The following MID1 variants were observed in gnomAD, a reference collection of about 807,000 sequenced individuals.
The protein encoded by MID1 is midline 1.
MID1 carries 7 observed loss-of-function variants against 40.4 expected under a neutral mutation model. The observed-to-expected ratio is 0.17, with a 90% CI of 0.10 to 0.33. MID1 has a LOEUF of 0.33. MID1 is among the 10% of genes least tolerant of loss of function. The pLI is 1.00. For missense variants in MID1, 367 were observed against 558.5 expected (o/e 0.66, Z 3.46); for synonymous variants, 229 against 221.2 (o/e 1.04, Z -0.31).
At chrX:10,548,438 C>T (rs1039364108) in intron 2 of MID1, among the ~76,000 whole-genome samples, 2 of 112,045 alleles carry the variant, frequency 1.8e-5, no homozygotes, top group Non-Finnish European at 3.8e-5. Context: ...TTTATCCCCT[C>T]AGGGAAATCA....
At chrX:10,687,623 C>T (rs2043107982) in intron 1 of MID1, among the ~76,000 whole-genome samples, 1 of 112,285 alleles carries the variant, frequency 8.9e-6, no homozygotes, top group African/African-American at 3.2e-5. Context: ...TTTTAAAGTT[C>T]TTTGTGCCTA....
Position 10,490,935 on chromosome X carries a change from T to A in MID1, c.864+4649A>T, listed in dbSNP as rs1423085039. On this transcript the variant is annotated intron_variant, in intron 4 of 9. Coordinates refer to ENST00000317552, the MANE Select transcript of MID1 (RefSeq NM_000381.4). ...TATGTAAGTTTTCAAATTATTGGCATGAAGACATTTACACAATTTTCTTAT... is the reference window on the plus strand; with the variant it reads ...TATGTAAGTTTTCAAATTATTGGCAAGAAGACATTTACACAATTTTCTTAT... Among the ~76,000 whole-genome samples, 11 of 112,423 alleles carry A rather than the reference T, an allele frequency of 9.8e-5. No individual in the cohort carries two copies. In the Admixed American group the frequency reaches 1.0e-3, roughly 11 times the overall value.
chrX:10,551,242 C>T (rs1022173979), intron 2 of MID1, among the ~76,000 whole-genome samples: 6 of 112,287 alleles, frequency 5.3e-5, no homozygotes, highest in Non-Finnish European at 9.4e-5. Context: ...TGAATATTTT[C>T]AGTCCTCGGG....
intron 3 of MID1, among the ~76,000 whole-genome samples, chrX:10,513,200 CAG>C (rs1236282482): frequency 8.9e-6 from 1 of 112,147 alleles, no homozygotes; most frequent in African/African-American, 3.2e-5. Context: ...ATTTTATACA[CAG>C]AGATAATTTC....
intron 1 of MID1, among the ~76,000 whole-genome samples, chrX:10,828,032 T>A (rs2044227209): frequency 9.0e-6 from 1 of 111,688 alleles, no homozygotes; most frequent in African/African-American, 3.3e-5. Context: ...TTCAATAAAT[T>A]TAGCATAAAA....
intron 1 of MID1, among the ~76,000 whole-genome samples, chrX:10,693,722 T>A (rs1156500188): frequency 8.9e-6 from 1 of 112,055 alleles, no homozygotes; most frequent in Non-Finnish European, 1.9e-5. Context: ...TTTGGTTGAT[T>A]CCTTCCACAA....
intron 2 of MID1, among the ~76,000 whole-genome samples, chrX:10,538,121 T>C (rs1933329540): frequency 1.8e-5 from 2 of 111,178 alleles, no homozygotes; most frequent in African/African-American, 6.5e-5. Flanking sequence ...TATAGGCATG[T>C]GCCACCACGC....
chrX:10,714,052 C>A (rs1165186847), intron 1 of MID1, among the ~76,000 whole-genome samples: 1 of 111,919 alleles, frequency 8.9e-6, no homozygotes, highest in Non-Finnish European at 1.9e-5. Context: ...GTTACCACTG[C>A]AGCACCATTA....
chrX:10,718,996 AC>A (rs1259898620), intron 1 of MID1, among the ~76,000 whole-genome samples: 27 of 111,587 alleles, frequency 2.4e-4, no homozygotes, highest in Non-Finnish European at 4.7e-4. Context: ...AAATTCAACA[AC>A]CCTTCATGCT....
intron 1 of MID1, among the ~76,000 whole-genome samples, chrX:10,788,632 G>T (rs1421718817): frequency 9.0e-6 from 1 of 110,846 alleles, no homozygotes; most frequent in East Asian, 2.8e-4. Context: ...GCCACCCAGG[G>T]ATTTTCAGCA....
At chrX:10,678,921 G>GT (rs767417781) in intron 1 of MID1, among the ~76,000 whole-genome samples, 207 of 111,500 alleles carry the variant, frequency 1.9e-3, no homozygotes, top group African/African-American at 6.5e-3. Flanking sequence ...ACTTTTATAG[G>GT]TTGCTGCTGG....
intron 1 of MID1, among the ~76,000 whole-genome samples, chrX:10,613,732 T>TATATATAG (rs1482081086): frequency 6.9e-4 from 12 of 17,476 alleles, no homozygotes; most frequent in South Asian, 5.3e-3. Context: ...TATATATATA[T>TATATATAG]AGAGAGAGAG....
chrX:10,470,592 G>A (rs1020218828), intron 6 of MID1, among the ~76,000 whole-genome samples: 7 of 112,106 alleles, frequency 6.2e-5, no homozygotes, highest in Admixed American at 3.8e-4. Flanking sequence ...CAACTCATGC[G>A]ATATTTCAAA....
In MID1 at chrX:10,454,876, C is replaced by T. The variant is rs1053131054; in HGVS notation, c.1649G>A (p.Ser550Asn). 8.3e-7 allele frequency: 1 copy of T among 1,206,093 alleles called. No individual in the cohort carries two copies. Among genetic ancestry groups the T allele is most frequent in the African/African-American group, 1.7e-5 (1 of 57,171 alleles). Residue 550 changes from serine (S) to asparagine (N), a missense_variant, in exon 9 of 10, where the codon AGC becomes AAC. Ser to Asn is a conservative substitution (Grantham distance 46). Transcript: ENST00000317552. ...RHYWEVVISG[S>N]TWYAIGLAYK... is the part of the protein sequence containing the mutation. ...ATAGAAATAAGTTGCTTACCATGTG[C>T]TTCCACTTATGACCACTTCCCAATA...
At chrX:10,542,342 G>A (rs1014926357) in intron 2 of MID1, among the ~76,000 whole-genome samples, 1 of 111,178 alleles carries the variant, frequency 9.0e-6, no homozygotes, top group African/African-American at 3.3e-5. Context: ...GTCTCCATAG[G>A]GTAATTTGTG....
intron 1 of MID1, among the ~76,000 whole-genome samples, chrX:10,723,698 C>T (rs2043372446): frequency 8.9e-6 from 1 of 112,399 alleles, no homozygotes; most frequent in Admixed American, 9.3e-5. Flanking sequence ...ACTACAGGCG[C>T]CCGCCACCGC....
At chrX:10,741,366 G>A (rs1304469467) in intron 1 of MID1, among the ~76,000 whole-genome samples, 5 of 111,065 alleles carry the variant, frequency 4.5e-5, no homozygotes, top group Non-Finnish European at 9.4e-5. Context: ...CAGACAGGAA[G>A]TGCAGATCAA....
chrX:10,475,580 CA>C (rs1929963970), intron 5 of MID1, among the ~76,000 whole-genome samples: 2 of 112,051 alleles, frequency 1.8e-5, no homozygotes, highest in Admixed American at 9.4e-5. Flanking sequence ...CTCTTAAAAA[CA>C]AGAGAATTGT....
chrX:10,760,020 TAA>T (rs2043665515), intron 1 of MID1, among the ~76,000 whole-genome samples: 1 of 111,791 alleles, frequency 8.9e-6, no homozygotes, highest in Non-Finnish European at 1.9e-5. Flanking sequence ...CAGGTACACA[TAA>T]ACTTTGTTGA....
Sources: allele counts gnomAD v4.1 joint callset (sites outside exome capture counted in the v4.1 genomes callset), GRCh38; gene constraint gnomAD v4.1.1; transcripts MANE v1.5; gene names NCBI Gene and HGNC (gene_info 2026-07-23, HGNC 2026-07-21).